VOPP1: variants seen among roughly 807,000 people sequenced by gnomAD.
The protein encoded by VOPP1 is VOPP1 WW domain binding protein, also known as WW domain binding protein VOPP1.
Under a neutral mutation model 23.5 loss-of-function variants are expected in VOPP1, and 8 were observed. That is an observed-to-expected ratio of 0.34 (90% CI 0.20 to 0.61). The LOEUF (loss-of-function observed/expected upper bound fraction) is 0.61. VOPP1 is among the 20% of genes least tolerant of loss of function. The probability of loss-of-function intolerance (pLI) is 0.78; values close to 1 mark genes in which losing one functional copy is unlikely to be tolerated. For missense variants in VOPP1, 174 were observed against 238.1 expected, an observed-to-expected ratio of 0.73 and a Z score of 1.77; for synonymous variants, 83 against 97.3, an observed-to-expected ratio of 0.85 and a Z score of 0.86.
intron 4 of VOPP1, among the ~76,000 whole-genome samples, chr7:55,464,227 G>A (rs1324433499): frequency 6.6e-6 from 1 of 152,180 alleles, no homozygotes; most frequent in Non-Finnish European, 1.5e-5. Flanking sequence ...TGATCCCATG[G>A]TCACCTTAAC....
At position 55,516,111 on chromosome 7, in the gene VOPP1, CAT is replaced by C. The variant is rs1242928658; in HGVS notation, c.113+4959_113+4960del. 44 of 682,134 alleles carry C rather than the reference CAT, an allele frequency of 6.5e-5. No individual in the cohort carries two copies. In the Admixed American group the frequency reaches 1.3e-3, roughly 20 times the overall value. The allele number at this position is 682,134 out of a possible 1,614,324, so 42.3% of individuals were successfully genotyped here. On this transcript the variant is annotated intron_variant, in intron 2 of 4. Transcript: ENST00000285279. Reference sequence around the variant, plus strand: ...ACAGCCACTTGCTATTTTTAAATCACATGTTACTAAGAGCAGACACCTAGTAA... The same window carrying C: ...ACAGCCACTTGCTATTTTTAAATCACGTTACTAAGAGCAGACACCTAGTAA...
intron 4 of VOPP1, among the ~76,000 whole-genome samples, chr7:55,490,586 C>T (rs1311707289): frequency 6.6e-6 from 1 of 152,194 alleles, no homozygotes; most frequent in Non-Finnish European, 1.5e-5. Flanking sequence ...GTGGGGCCTC[C>T]CATGCCAAGT....
intron 2 of VOPP1, among the ~76,000 whole-genome samples, chr7:55,515,718 G>A (rs528444327): frequency 6.6e-6 from 1 of 152,190 alleles, no homozygotes; most frequent in Non-Finnish European, 1.5e-5. Flanking sequence ...AGCAGGCACA[G>A]CCTCTGTGAC....
intron 4 of VOPP1, among the ~76,000 whole-genome samples, chr7:55,481,797 G>C (rs1792732780): frequency 6.6e-6 from 1 of 152,188 alleles, no homozygotes; most frequent in Non-Finnish European, 1.5e-5. Context: ...CCCAGCTTCA[G>C]GGGCTTGAGG....
intron 2 of VOPP1, among the ~76,000 whole-genome samples, chr7:55,515,235 C>T (rs1300437136): frequency 6.6e-6 from 1 of 152,162 alleles, no homozygotes; most frequent in Non-Finnish European, 1.5e-5. Flanking sequence ...TGCTCCTGAC[C>T]CAAGAGGCCT....
intron 2 of VOPP1, among the ~76,000 whole-genome samples, chr7:55,499,329 G>A (rs552220194): frequency 6.6e-6 from 1 of 152,314 alleles, no homozygotes; most frequent in African/African-American, 2.4e-5. Flanking sequence ...GTGTGCACCT[G>A]TAGTCCCGGC....
At position 55,521,943 on chromosome 7, in the gene VOPP1, A is replaced by G. The variant is rs561055494; in HGVS notation, c.55-813T>C. On this transcript the variant is annotated intron_variant, in intron 1 of 4. Coordinates refer to ENST00000285279, the MANE Select transcript of VOPP1 (RefSeq NM_030796.5). ...ATTCGTGCTGTCATTTTTGTTTTACATTCACAACGTCCTACTTCCATGATC... is the reference window on the plus strand; with the variant it reads ...ATTCGTGCTGTCATTTTTGTTTTACGTTCACAACGTCCTACTTCCATGATC... The G allele has an allele frequency of 4.4e-5, 43 of 971,196 alleles. No individual in the cohort carries two copies. The African/African-American group carries it at 6.8e-4, about 15-fold the overall frequency. The allele number at this position is 971,196 out of a possible 1,614,324, so 60.2% of individuals were successfully genotyped here. A position where few individuals can be genotyped will look rare whatever the true frequency, so the allele number is the denominator to read the frequency against.
intron 4 of VOPP1, among the ~76,000 whole-genome samples, chr7:55,445,463 A>G (rs1358683123): frequency 6.6e-6 from 1 of 152,188 alleles, no homozygotes; most frequent in Non-Finnish European, 1.5e-5. Flanking sequence ...TGTTGCATCC[A>G]AGCCATATTC....
chr7:55,553,082 C>T (rs1363578089), intron 1 of VOPP1, among the ~76,000 whole-genome samples: 1 of 152,186 alleles, frequency 6.6e-6, no homozygotes, highest in Non-Finnish European at 1.5e-5. Context: ...ATAATTATGA[C>T]TGTCAATCTT....
At chr7:55,551,867 C>T (rs544726765) in intron 1 of VOPP1, among the ~76,000 whole-genome samples, 3 of 152,184 alleles carry the variant, frequency 2.0e-5, no homozygotes, top group Admixed American at 1.3e-4. Flanking sequence ...TGGTGAATCC[C>T]CGTCTCTACT....
At chr7:55,454,598 A>T (rs1441784728) in intron 4 of VOPP1, among the ~76,000 whole-genome samples, 1 of 152,248 alleles carries the variant, frequency 6.6e-6, no homozygotes, top group Non-Finnish European at 1.5e-5. Context: ...AAGCTTATGT[A>T]CCATGATCAA....
At chr7:55,556,204 G>A (rs1797796859) in intron 1 of VOPP1, among the ~76,000 whole-genome samples, 1 of 152,186 alleles carries the variant, frequency 6.6e-6, no homozygotes, top group African/African-American at 2.4e-5. Context: ...CAAAGGACTG[G>A]GTGAGTGCAG....
At chr7:55,463,288 C>T (rs1009926179) in intron 4 of VOPP1, among the ~76,000 whole-genome samples, 13 of 152,098 alleles carry the variant, frequency 8.5e-5, no homozygotes, top group Non-Finnish European at 1.6e-4. Context: ...CTTTTTCATT[C>T]AAACCTGTTC....
intron 4 of VOPP1, among the ~76,000 whole-genome samples, 158 bp from the exon 5 acceptor site, chr7:55,473,203 G>A (rs549190480): frequency 6.6e-6 from 1 of 152,306 alleles, no homozygotes; most frequent in East Asian, 1.9e-4. Context: ...CTGGGCTGTG[G>A]TGACAAGCAA....
intron 4 of VOPP1, among the ~76,000 whole-genome samples, chr7:55,451,461 T>C (rs1198196137): frequency 1.3e-5 from 2 of 152,196 alleles, no homozygotes; most frequent in Non-Finnish European, 2.9e-5. Context: ...AACAGCATTA[T>C]GTCTAAAAGC....
intron 1 of VOPP1, chr7:55,521,866 T>G: frequency 1.0e-6 from 1 of 983,718 alleles, no homozygotes; most frequent in Non-Finnish European, 1.2e-6. Context: ...CAGGGAGCTC[T>G]CTATGCAGAG....
At chr7:55,525,815 A>C (rs1323694555) in intron 1 of VOPP1, among the ~76,000 whole-genome samples, 6 of 119,626 alleles carry the variant, frequency 5.0e-5, no homozygotes, top group Admixed American at 3.4e-4. Flanking sequence ...AAAAAAAAAA[A>C]ACCTTAAAAT....
At chr7:55,468,253 G>A (rs1197217388), downstream of VOPP1, among the ~76,000 whole-genome samples, 30 of 139,890 alleles carry the variant, frequency 2.1e-4, no homozygotes, top group African/African-American at 7.7e-4. Context: ...CCTGGCGACA[G>A]AGCAAGACTT....
At position 55,521,596 on chromosome 7, in the gene VOPP1, C is replaced by T. The variant is rs1460543289; in HGVS notation, c.55-466G>A. ...TCCGACCTACGTCTGCAAGATGCTG[C>T]GAGTCACGGTTCACTCGTTGCCCTC... On this transcript the variant is annotated intron_variant, in intron 1 of 4. Transcript: ENST00000285279. The T allele has an allele frequency of 7.1e-6, 7 of 987,428 alleles. No individual in the cohort carries two copies. The South Asian group carries it at 1.4e-4, about 20-fold the overall frequency. The allele number at this position is 987,428 out of a possible 1,614,324, so 61.2% of individuals were successfully genotyped here.
Sources: allele counts gnomAD v4.1 joint callset (sites outside exome capture counted in the v4.1 genomes callset), GRCh38; gene constraint gnomAD v4.1.1; transcripts MANE v1.5; gene names NCBI Gene and HGNC (gene_info 2026-07-23, HGNC 2026-07-21).